DNAH12: variants seen among roughly 807,000 people sequenced by gnomAD.
DNAH12 encodes axonemal beta dynein heavy chain 12.
DNAH12 carries 285 observed loss-of-function variants against 371.5 expected under a neutral mutation model. That is an observed-to-expected ratio of 0.77 (90% CI 0.70 to 0.85). DNAH12 has a LOEUF of 0.85. Among genes scored for constraint, DNAH12 ranks in the 40% least tolerant of loss-of-function variants. The pLI is 0.00. For synonymous variants in DNAH12, 1,200 were observed against 1,213.0 expected (o/e 0.99, Z 0.22); for missense variants, 3,611 against 3,689.4 (o/e 0.98, Z 0.55).
chr3:57,509,861 T>TAAAAAAAA (rs902155403), intron 5 of DNAH12, among the ~76,000 whole-genome samples: 55 of 46,558 alleles, frequency 1.2e-3, no homozygotes, highest in African/African-American at 2.4e-3. Context: ...GACTCCATCA[T>TAAAAAAAA]AAAAAAAAAA....
At chr3:57,421,842 G>A in intron 35 of DNAH12, 136 bp from the exon 36 acceptor site, 1 of 834,306 alleles carries the variant, frequency 1.2e-6, no homozygotes. Flanking sequence ...AAAGTAGAAT[G>A]GAGCACTGCT....
chr3:57,313,057 C>T (rs2061612151), intron 66 of DNAH12, among the ~76,000 whole-genome samples: 1 of 152,164 alleles, frequency 6.6e-6, no homozygotes. Context: ...GGTCCTATTT[C>T]AAAAAGGCCC....
At chr3:57,357,398 T>C (rs2062824443) in intron 58 of DNAH12, 50 bp from the exon 59 acceptor site, 1 of 152,158 alleles carries the variant, frequency 6.6e-6, no homozygotes. Context: ...GTATTTTAGT[T>C]ATGTACTTTT....
chr3:57,511,055 A>T (rs1175747872), intron 4 of DNAH12, 76 bp from the exon 5 acceptor site: 18 of 1,038,462 alleles, frequency 1.7e-5, no homozygotes, highest in Non-Finnish European at 2.4e-5. Flanking sequence ...CTCCCTTCCT[A>T]AGACAACATT....
intron 62 of DNAH12, among the ~76,000 whole-genome samples, chr3:57,325,615 T>C (rs1416101075): frequency 6.6e-6 from 1 of 151,754 alleles, no homozygotes; most frequent in Admixed American, 6.6e-5. Flanking sequence ...ACCACAAAGA[T>C]GGGGAAAAAA....
intron 29 of DNAH12, among the ~76,000 whole-genome samples, chr3:57,440,557 AAAAC>A (rs1478663516): frequency 6.6e-6 from 1 of 152,228 alleles, no homozygotes; most frequent in African/African-American, 2.4e-5. Context: ...CAAGGGCTGA[AAAAC>A]TAACTATTGG....
chr3:57,514,216 A>G (rs577974771), intron 4 of DNAH12, among the ~76,000 whole-genome samples: 2 of 152,142 alleles, frequency 1.3e-5, no homozygotes, highest in South Asian at 4.2e-4. Flanking sequence ...CAACATGGTG[A>G]AACCCCGTCT....
Position 57,334,776 on chromosome 3 carries a change from A to T in DNAH12, c.9833+6T>A, listed in dbSNP as rs562159772. ...CAATGATAAATCATCGAATTTAAAC[A>T]ATCACCTGAGTCCTCTGAAGGCAGG... On this transcript the variant is annotated splice_donor_region_variant and intron_variant, in intron 61 of 73. Coordinates refer to ENST00000495027, the MANE Select transcript of DNAH12 (RefSeq NM_001366028.2). 5 of 1,538,330 alleles carry T rather than the reference A, an allele frequency of 3.3e-6. No homozygotes were observed. The African/African-American group carries it at 6.9e-5, about 21-fold the overall frequency.
In DNAH12 at chr3:57,405,675, T is replaced by C; in HGVS notation, c.6554A>G (p.His2185Arg). ...FKESFHSIFS[H>R]LRKQNAPVTE... ...CACTGGTGCATTTTGTTTCCTCAAA[T>C]GTGAAAAGATACTGTGAAATGATTC... Residue 2185 changes from histidine (H) to arginine (R), a missense_variant, in exon 41 of 74, where the codon CAT becomes CGT. By Grantham distance (29) the His-to-Arg change is conservative. Around this residue, in one of 3 missense-constraint regions of DNAH12, gnomAD observed 2,266 missense variants for 2,236.9 expected, o/e 1.01. Transcript: ENST00000495027. The C allele has an allele frequency of 3.2e-6, 5 of 1,551,314 alleles. No homozygotes were observed. In the South Asian group the frequency reaches 4.8e-5, roughly 15 times the overall value.
chr3:57,528,205 T>C (rs1007413894), intron 2 of DNAH12, among the ~76,000 whole-genome samples: 2 of 151,722 alleles, frequency 1.3e-5, no homozygotes, highest in Non-Finnish European at 2.9e-5. Context: ...ATTTTGTATT[T>C]TTAGTAGAGA....
chr3:57,466,997 C>T (rs912703937), intron 17 of DNAH12, among the ~76,000 whole-genome samples: 1 of 151,932 alleles, frequency 6.6e-6, no homozygotes, highest in African/African-American at 2.4e-5. Flanking sequence ...TCGAATGATC[C>T]TCCTGCCTTG....
At position 57,334,626 on chromosome 3, in the gene DNAH12, T is replaced by G; in HGVS notation, c.9834-17A>C. On this transcript the variant is annotated splice_polypyrimidine_tract_variant and intron_variant, in intron 61 of 73. Coordinates refer to ENST00000495027, the MANE Select transcript of DNAH12 (RefSeq NM_001366028.2). Reference sequence around the variant, plus strand: ...AAATGTTGCCTAATAGAAAAAAGCTTAAGAATTATTCTTTTTATTGGGAAA... The same window carrying G: ...AAATGTTGCCTAATAGAAAAAAGCTGAAGAATTATTCTTTTTATTGGGAAA... 6 of 1,528,510 alleles carry G rather than the reference T, an allele frequency of 3.9e-6. No individual in the cohort carries two copies. The highest frequency in any genetic ancestry group is 5.3e-6 in the Non-Finnish European group (6 of 1,141,330). 94.7% of individuals were successfully genotyped at this position (1,528,510 alleles called of 1,614,324 possible). A position where few individuals can be genotyped will look rare whatever the true frequency, so the allele number is the denominator to read the frequency against.
intron 44 of DNAH12, 115 bp downstream of exon 44, chr3:57,394,056 T>C (rs1036683923): frequency 6.6e-6 from 1 of 152,222 alleles, no homozygotes; most frequent in Non-Finnish European, 1.5e-5. Context: ...TACTTTAAAT[T>C]TTTAATTACC....
the DNAH12 span, among the ~76,000 whole-genome samples, chr3:57,554,793 T>C: frequency 6.6e-6 from 1 of 151,992 alleles, no homozygotes; most frequent in African/African-American, 2.4e-5. Context: ...TTTTTTGTAT[T>C]TTTAGTAGAG....
At chr3:57,525,248 C>T (rs191286569) in intron 2 of DNAH12, among the ~76,000 whole-genome samples, 11 of 151,982 alleles carry the variant, frequency 7.2e-5, no homozygotes, top group African/African-American at 2.4e-4. Flanking sequence ...AGACAAGGAC[C>T]ATGTCTATTT....
intron 44 of DNAH12, among the ~76,000 whole-genome samples, chr3:57,393,569 T>C (rs2063671037): frequency 1.5e-5 from 2 of 130,264 alleles, no homozygotes. Flanking sequence ...GAGGTTGCAG[T>C]GAGGCGAGAC....
chr3:57,440,505 C>G (rs969154494), intron 29 of DNAH12, among the ~76,000 whole-genome samples: 1 of 152,078 alleles, frequency 6.6e-6, no homozygotes. Context: ...ATGGCAACAA[C>G]AGACACTGGG....
At chr3:57,409,341 T>C (rs782819483) in intron 39 of DNAH12, among the ~76,000 whole-genome samples, 9 of 152,160 alleles carry the variant, frequency 5.9e-5, no homozygotes, top group Non-Finnish European at 8.8e-5. Context: ...TATGAAAATA[T>C]GGTTTTTGGT....
rs1241009274 is a variant in DNAH12, at chr3:57,503,921, CAGAA to C, written c.1086+91_1086+94del. ...TGAAATAATTGGGGGAGGAAAATAA[CAGAA>C]AGAGTCATAACATTGTATGTACACA... is the stretch of plus-strand genomic sequence containing the variant. On this transcript the variant is annotated intron_variant, in intron 9 of 73. Coordinates refer to ENST00000495027, the MANE Select transcript of DNAH12 (RefSeq NM_001366028.2). The C allele has an allele frequency of 5.1e-6, 5 of 979,614 alleles. No homozygotes were observed. The African/African-American group carries it at 8.1e-5, about 16-fold the overall frequency. The allele number at this position is 979,614 out of a possible 1,614,324, so 60.7% of individuals were successfully genotyped here.
Sources: allele counts gnomAD v4.1 joint callset (sites outside exome capture counted in the v4.1 genomes callset), GRCh38; gene constraint gnomAD v4.1.1; regional missense constraint gnomAD v4.1.1; transcripts MANE v1.5; gene names NCBI Gene and HGNC (gene_info 2026-07-23, HGNC 2026-07-21).